Variants in MAST4 observed in about 807,000 individuals in gnomAD.
MAST4 encodes the protein microtubule associated serine/threonine kinase family member 4, also known as microtubule-associated serine/threonine-protein kinase 4.
A neutral mutation model predicts 162.7 loss-of-function variants in MAST4; 89 were observed. The ratio of observed to expected loss-of-function variants is 0.55; its 90% CI spans 0.46 to 0.65. The LOEUF (loss-of-function observed/expected upper bound fraction) is 0.65. Among genes scored for constraint, MAST4 ranks in the 30% least tolerant of loss-of-function variants. The probability of loss-of-function intolerance (pLI) is 0.00; values close to 1 mark genes in which losing one functional copy is unlikely to be tolerated. For synonymous variants in MAST4, 1,479 were observed against 1,361.1 expected, an observed-to-expected ratio of 1.09 and a Z score of -1.91; for missense variants, 3,153 against 3,374.0, an observed-to-expected ratio of 0.93 and a Z score of 1.62.
At chr5:66,943,324 G>T (rs900523382) in intron 4 of MAST4, among the ~76,000 whole-genome samples, 1 of 152,118 alleles carries the variant, frequency 6.6e-6, no homozygotes, top group East Asian at 1.9e-4. Context: ...ATAAATGGAA[G>T]CTATGGTTAG....
intron 5 of MAST4, among the ~76,000 whole-genome samples, chr5:67,078,671 A>G (rs1761991408): frequency 7.3e-6 from 1 of 137,562 alleles, no homozygotes. Context: ...TTTTATATTT[A>G]TATTATATTT....
intron 3 of MAST4, among the ~76,000 whole-genome samples, chr5:66,899,553 A>C (rs1033411553): frequency 2.0e-5 from 3 of 152,186 alleles, no homozygotes; most frequent in African/African-American, 7.2e-5. Flanking sequence ...TGTCCTTTAC[A>C]TTGCACCTTT....
intron 4 of MAST4, among the ~76,000 whole-genome samples, chr5:66,960,793 A>G (rs2150157705): frequency 6.6e-6 from 1 of 152,298 alleles, no homozygotes; most frequent in East Asian, 1.9e-4. Flanking sequence ...ACTTCAAAGT[A>G]ACTTTTTAAA....
chr5:66,787,511 T>C (rs185086036), intron 2 of MAST4, among the ~76,000 whole-genome samples: 248 of 152,372 alleles, frequency 1.6e-3, no homozygotes, highest in African/African-American at 5.5e-3. Context: ...TTGACAGTGC[T>C]GGTAGTTAGC....
intron 1 of MAST4, among the ~76,000 whole-genome samples, chr5:66,671,411 C>G (rs985565749): frequency 6.6e-6 from 1 of 152,150 alleles, no homozygotes; most frequent in African/African-American, 2.4e-5. Context: ...CTAAGTCTGT[C>G]CCTTGGCAGA....
chr5:67,079,556 C>G (rs1762366274), intron 5 of MAST4, among the ~76,000 whole-genome samples: 1 of 152,114 alleles, frequency 6.6e-6, no homozygotes, highest in Non-Finnish European at 1.5e-5. Flanking sequence ...TTTGAATGAA[C>G]CAGTGAATAA....
At chr5:66,961,983 A>G (rs534624055) in intron 4 of MAST4, among the ~76,000 whole-genome samples, 2 of 152,366 alleles carry the variant, frequency 1.3e-5, no homozygotes, top group African/African-American at 4.8e-5. Flanking sequence ...CTGTTGAAAC[A>G]TTATATTTTT....
intron 1 of MAST4, among the ~76,000 whole-genome samples, chr5:66,635,924 A>C (rs1745078149): frequency 6.8e-6 from 1 of 146,614 alleles, no homozygotes. Flanking sequence ...AAGGTTAAAA[A>C]TCACTGCATA....
chr5:67,017,789 G>A (rs1329226734), intron 4 of MAST4, among the ~76,000 whole-genome samples: 1 of 151,618 alleles, frequency 6.6e-6, no homozygotes, highest in African/African-American at 2.4e-5. Context: ...AGTAGAGACG[G>A]GGTTTCTTCA....
chr5:66,717,722 T>G (rs916276467), intron 1 of MAST4, among the ~76,000 whole-genome samples: 1 of 152,220 alleles, frequency 6.6e-6, no homozygotes, highest in Non-Finnish European at 1.5e-5. Context: ...GTCTAAGGTG[T>G]TGTTCCCCCA....
intron 26 of MAST4, among the ~76,000 whole-genome samples, chr5:67,157,957 A>G (rs1772734594): frequency 6.6e-6 from 1 of 152,226 alleles, no homozygotes; most frequent in South Asian, 2.1e-4. Flanking sequence ...AAAAGAGTGG[A>G]ACTGGATTCC....
intron 2 of MAST4, among the ~76,000 whole-genome samples, chr5:66,763,753 GT>G (rs1561314887): frequency 6.6e-6 from 1 of 152,140 alleles, no homozygotes; most frequent in Non-Finnish European, 1.5e-5. Flanking sequence ...ACTTACTATG[GT>G]TTGGCTTTTG....
At chr5:66,697,678 ATGGCACTC>A (rs1331672201) in intron 1 of MAST4, among the ~76,000 whole-genome samples, 5 of 152,200 alleles carry the variant, frequency 3.3e-5, no homozygotes, top group African/African-American at 1.2e-4. Context: ...GGTAAAAACA[ATGGCACTC>A]TTTCACCATT....
Position 66,946,603 on chromosome 5 carries a change from G to A in MAST4, c.674+46621G>A, listed in dbSNP as rs1470113412. 2.0e-5 allele frequency among the ~76,000 whole-genome samples: 3 copies of A among 152,126 alleles called. No homozygotes were observed. The East Asian group carries it at 5.8e-4, about 29-fold the overall frequency. ...CAGCTATTCAAATTGCTATAGAAGT[G>A]CCTGAAAGGTTGTCATGGGTTTTGC... On this transcript the variant is annotated intron_variant, in intron 4 of 28. Transcript: ENST00000403625.
At chr5:67,160,360 CCTTT>C (rs1773046810) in intron 26 of MAST4, 92 bp from the exon 27 acceptor site, 4 of 1,262,094 alleles carry the variant, frequency 3.2e-6, no homozygotes, top group Admixed American at 2.7e-5. Context: ...TATGTATGTT[CCTTT>C]CTATTTGTAT....
chr5:67,106,977 C>G (rs1765671340), intron 10 of MAST4, among the ~76,000 whole-genome samples: 1 of 152,168 alleles, frequency 6.6e-6, no homozygotes, highest in Admixed American at 6.5e-5. Context: ...TTGCTTTAAT[C>G]AAATCAGAGT....
intron 1 of MAST4, among the ~76,000 whole-genome samples, chr5:66,603,358 A>C (rs1412183322): frequency 6.6e-6 from 1 of 152,182 alleles, no homozygotes; most frequent in Non-Finnish European, 1.5e-5. Context: ...TTTTATGAAC[A>C]TGTAAATTAC....
Position 66,993,435 on chromosome 5 carries a change from G to A in MAST4, c.675-60969G>A, listed in dbSNP as rs577966736. Among the ~76,000 whole-genome samples, 5 of 152,202 alleles carry A rather than the reference G, an allele frequency of 3.3e-5. No individual in the cohort carries two copies. In the South Asian group the frequency reaches 8.3e-4, roughly 25 times the overall value. ...TTAAGCATAGTAGGGCATTAGACCT[G>A]TAAACACATAATTGTGCTGCAGTGG... On this transcript the variant is annotated intron_variant, in intron 4 of 28. Coordinates refer to ENST00000403625, the MANE Select transcript of MAST4 (RefSeq NM_001164664.2).
chr5:66,965,225 C>CTTTTTTT (rs1187971815), intron 4 of MAST4, among the ~76,000 whole-genome samples: 12 of 84,892 alleles, frequency 1.4e-4, no homozygotes, highest in Non-Finnish European at 1.2e-4. Flanking sequence ...TTTTTTTTTG[C>CTTTTTTT]TTTTTTTTTT....
Sources: gnomAD v4.1 joint callset for allele counts (sites outside exome capture counted in the v4.1 genomes callset) on GRCh38, gnomAD v4.1.1 for gene constraint, MANE v1.5 for transcripts, NCBI Gene and HGNC (gene_info 2026-07-23, HGNC 2026-07-21) for gene names.